Variants in NCAM2 observed in about 807,000 individuals in gnomAD.
NCAM2 encodes the protein N-CAM-2.
In NCAM2, 30 loss-of-function variants were observed where a neutral mutation model predicts 98.1. The observed-to-expected ratio is 0.31, with a 90% CI of 0.23 to 0.41. The LOEUF is 0.41. NCAM2 is among the 10% of genes least tolerant of loss of function. NCAM2 has a pLI of 1.00. For synonymous variants in NCAM2, 368 were observed against 342.4 expected (o/e 1.07, Z -0.83); for missense variants, 867 against 1,005.8 (o/e 0.86, Z 1.87).
At chr21:21,323,487 T>C (rs1601973739) in intron 5 of NCAM2, among the ~76,000 whole-genome samples, 1 of 152,066 alleles carries the variant, frequency 6.6e-6, no homozygotes, top group Admixed American at 6.6e-5. Context: ...GTTTAGTATA[T>C]GTAAAAAATA....
At chr21:21,534,417 A>G in intron 16 of NCAM2, 120 bp from the exon 17 acceptor site, 2 of 822,050 alleles carry the variant, frequency 2.4e-6, no homozygotes, top group Non-Finnish European at 3.4e-6. Context: ...GTTTTCTTAA[A>G]TTAACCAAGT....
intron 1 of NCAM2, among the ~76,000 whole-genome samples, chr21:21,224,215 C>T (rs780732550): frequency 3.4e-4 from 52 of 152,280 alleles, no homozygotes; most frequent in African/African-American, 1.2e-3. Context: ...CACATTTCCA[C>T]GCTTCTGTGA....
chr21:21,021,450 C>T (rs1411824326), intron 1 of NCAM2, among the ~76,000 whole-genome samples: 1 of 152,032 alleles, frequency 6.6e-6, no homozygotes, highest in African/African-American at 2.4e-5. Context: ...GAGAAACAAG[C>T]CTTAGAGAAC....
intron 8 of NCAM2, among the ~76,000 whole-genome samples, chr21:21,362,897 C>T (rs1371281094): frequency 6.6e-6 from 1 of 152,024 alleles, no homozygotes; most frequent in Non-Finnish European, 1.5e-5. Context: ...ATTCAACTTA[C>T]AAAATGAAAA....
chr21:21,158,938 A>G (rs1348992843), intron 1 of NCAM2, among the ~76,000 whole-genome samples: 1 of 152,182 alleles, frequency 6.6e-6, no homozygotes, highest in Non-Finnish European at 1.5e-5. Flanking sequence ...ATCAGGAGGT[A>G]TTCCAAAAGC....
At chr21:21,105,374 A>G (rs2066323859) in intron 1 of NCAM2, among the ~76,000 whole-genome samples, 1 of 152,142 alleles carries the variant, frequency 6.6e-6, no homozygotes, top group African/African-American at 2.4e-5. Flanking sequence ...GCATAGAATG[A>G]ATCAGGATGT....
In NCAM2 at chr21:21,405,407, GA is replaced by G. The variant is rs771015880; in HGVS notation, c.1196-4864del. On this transcript the variant is annotated intron_variant, in intron 9 of 17. Coordinates refer to ENST00000400546, the MANE Select transcript of NCAM2 (RefSeq NM_004540.5). ...TAATTTCTTCATAAATGTCCTAATT[GA>G]AAGTTGATTATAGAACCTAACTTTG... Among the ~76,000 whole-genome samples the G allele has an allele frequency of 5.8e-4, 89 of 152,170 alleles. 1 individual carries two copies. The highest frequency in any genetic ancestry group is 6.2e-4 in the South Asian group (3 of 4,828).
chr21:21,052,157 T>G (rs2065123449), intron 1 of NCAM2, among the ~76,000 whole-genome samples: 1 of 133,238 alleles, frequency 7.5e-6, no homozygotes, highest in South Asian at 2.5e-4. Context: ...GCCATTTTTT[T>G]TTTTTTTTTT....
At chr21:21,009,774 A>G (rs1455004875) in intron 1 of NCAM2, among the ~76,000 whole-genome samples, 2 of 151,990 alleles carry the variant, frequency 1.3e-5, no homozygotes, top group Non-Finnish European at 2.9e-5. Flanking sequence ...AAGAGAAGTG[A>G]GAAAATACTT....
intron 1 of NCAM2, among the ~76,000 whole-genome samples, chr21:21,091,811 TTAAG>T (rs746780280): frequency 4.6e-5 from 7 of 152,216 alleles, no homozygotes; most frequent in Non-Finnish European, 8.8e-5. Context: ...ATTCCTGTAA[TTAAG>T]TTTCAATATT....
intron 9 of NCAM2, among the ~76,000 whole-genome samples, chr21:21,400,147 C>T (rs1211959143): frequency 6.6e-6 from 1 of 152,122 alleles, no homozygotes; most frequent in East Asian, 1.9e-4. Flanking sequence ...TGGAAATAAG[C>T]TTGTCCTGAA....
intron 1 of NCAM2, among the ~76,000 whole-genome samples, chr21:21,151,956 C>A (rs1167315490): frequency 3.3e-5 from 5 of 151,768 alleles, no homozygotes; most frequent in African/African-American, 1.2e-4. Context: ...TTATGTGTAT[C>A]CTAATTAGAG....
intron 1 of NCAM2, among the ~76,000 whole-genome samples, chr21:21,097,125 G>A (rs2066140339): frequency 6.6e-6 from 1 of 151,612 alleles, no homozygotes; most frequent in Non-Finnish European, 1.5e-5. Context: ...TTTTTCACTG[G>A]GAAACAAAGA....
In NCAM2 at chr21:21,184,511, T is replaced by C. The variant is rs552489032; in HGVS notation, c.56-96067T>C. Among the ~76,000 whole-genome samples the C allele has an allele frequency of 4.6e-5, 7 of 152,102 alleles. No individual in the cohort carries two copies. In the South Asian group the frequency reaches 1.5e-3, roughly 32 times the overall value. On this transcript the variant is annotated intron_variant, in intron 1 of 17. Transcript: ENST00000400546. ...TGATGCCTGGGCTCCCCTTATAGAT[T>C]AGGATTTAATTGGTACAGGATGCAG...
chr21:21,001,681 A>G (rs2064021629), intron 1 of NCAM2, among the ~76,000 whole-genome samples: 1 of 152,198 alleles, frequency 6.6e-6, no homozygotes, highest in Non-Finnish European at 1.5e-5. Context: ...GGATGTTCAC[A>G]TATGTAAGAT....
chr21:21,184,313 TAAAAAA>T (rs75082038), intron 1 of NCAM2, among the ~76,000 whole-genome samples: 1 of 140,960 alleles, frequency 7.1e-6, no homozygotes, highest in South Asian at 2.2e-4. Context: ...ATTTATAAAA[TAAAAAA>T]AAAAAGAAAA....
intron 1 of NCAM2, among the ~76,000 whole-genome samples, chr21:21,136,548 A>G (rs8129568): frequency 0.68 from 103,056 of 150,974 alleles, 35,173 homozygotes; most frequent in East Asian, 0.87. Context: ...TGCAACCTCC[A>G]CCTCCTGGGT....
intron 1 of NCAM2, among the ~76,000 whole-genome samples, chr21:21,141,958 C>T (rs773907976): frequency 1.8e-4 from 27 of 152,098 alleles, no homozygotes; most frequent in Non-Finnish European, 4.0e-4. Context: ...ATAATAGATA[C>T]ATGAAAGATG....
At chr21:21,320,080 G>A (rs1357199818) in intron 5 of NCAM2, among the ~76,000 whole-genome samples, 1 of 152,116 alleles carries the variant, frequency 6.6e-6, no homozygotes, top group Non-Finnish European at 1.5e-5. Flanking sequence ...TTTGATTTTA[G>A]AAGTCAGTAC....
Sources: gnomAD v4.1 joint callset for allele counts (sites outside exome capture counted in the v4.1 genomes callset) on GRCh38, gnomAD v4.1.1 for gene constraint, MANE v1.5 for transcripts, NCBI Gene and HGNC (gene_info 2026-07-23, HGNC 2026-07-21) for gene names.